Variants in RBFOX3 observed in about 807,000 individuals in gnomAD.
RBFOX3 encodes RNA binding fox-1 homolog 3.
In RBFOX3, 17 loss-of-function variants were observed where a neutral mutation model predicts 48.7. That is an observed-to-expected ratio of 0.35 (90% CI 0.24 to 0.52). The LOEUF is 0.52. Among genes scored for constraint, RBFOX3 ranks in the 20% least tolerant of loss-of-function variants. RBFOX3 has a pLI of 0.94. For missense variants in RBFOX3, 382 were observed against 497.5 expected, an observed-to-expected ratio of 0.77 and a Z score of 2.21; for synonymous variants, 212 against 209.5, an observed-to-expected ratio of 1.01 and a Z score of -0.10.
Position 79,214,448 on chromosome 17 carries a change from C to T in RBFOX3, c.-34+21318G>A, listed in dbSNP as rs1231015196. ...CTTCTTGAGAAAAGTGATGCAAAGC[C>T]CTTTGGATCAGTGTGACTGGGAGGA... On this transcript the variant is annotated intron_variant, in intron 4 of 14. Coordinates refer to ENST00000693108, the MANE Select transcript of RBFOX3 (RefSeq NM_001350451.2). This position sits in a 1 kb window ranked among gnomAD's most constrained non-coding sequence, Gnocchi z 4.7. 6.6e-6 allele frequency among the ~76,000 whole-genome samples: 1 copy of T among 152,030 alleles called. No individual in the cohort carries two copies. The highest frequency in any genetic ancestry group is 2.1e-4 in the South Asian group (1 of 4,808).
At chr17:79,134,476 A>G (rs1231664078) in intron 4 of RBFOX3, among the ~76,000 whole-genome samples, 1 of 152,238 alleles carries the variant, frequency 6.6e-6, no homozygotes, top group Non-Finnish European at 1.5e-5. Context: ...GTGGCTGCGC[A>G]CAGCAGGTGC....
chr17:79,161,103 T>C lies in RBFOX3; in HGVS notation c.-33-45355A>G, dbSNP rs1002800203. 3.3e-5 allele frequency among the ~76,000 whole-genome samples: 5 copies of C among 152,022 alleles called. No homozygotes were observed. The South Asian group carries it at 6.2e-4, about 19-fold the overall frequency. ...ACCAGGAATTTGGAGGTTAGAAACA[T>C]AGCCCCTCTGCAGATAATCTGTAGC... On this transcript the variant is annotated intron_variant, in intron 4 of 14. Coordinates refer to ENST00000693108, the MANE Select transcript of RBFOX3 (RefSeq NM_001350451.2).
intron 1 of RBFOX3, among the ~76,000 whole-genome samples, chr17:79,587,447 C>A (rs1045479069): frequency 1.3e-5 from 2 of 152,236 alleles, no homozygotes; most frequent in Non-Finnish European, 2.9e-5. Context: ...GGCTAGGGAC[C>A]CCAGCCCCTG....
In RBFOX3 at chr17:79,249,348, G is replaced by A. The variant is rs970936308; in HGVS notation, c.-73-13543C>T. Among the ~76,000 whole-genome samples the A allele has an allele frequency of 1.3e-4, 20 of 152,214 alleles. No homozygotes were observed. Among genetic ancestry groups the A allele is most frequent in the African/African-American group, 3.1e-4 (13 of 41,526 alleles). On this transcript the variant is annotated intron_variant, in intron 3 of 14. Coordinates refer to ENST00000693108, the MANE Select transcript of RBFOX3 (RefSeq NM_001350451.2). The surrounding 1 kb of genome is among the most constrained non-coding windows in gnomAD (Gnocchi z 4.1). ...CCCTCTGTTCCCTGTGTCTCGGCCC[G>A]CTCGGCTCCAATGCTGCTGCAGTCA...
chr17:79,407,686 T>C (rs1027582589), intron 2 of RBFOX3, among the ~76,000 whole-genome samples: 2 of 152,142 alleles, frequency 1.3e-5, no homozygotes, highest in African/African-American at 4.8e-5. Context: ...TGGGGAGGAC[T>C]TCTGCAGGAT....
chr17:79,387,285 T>C (rs1215169733), intron 2 of RBFOX3, among the ~76,000 whole-genome samples: 1 of 152,194 alleles, frequency 6.6e-6, no homozygotes, highest in Non-Finnish European at 1.5e-5. Flanking sequence ...TGTATCTGAG[T>C]GTGCTTTTCA....
At chr17:79,581,203 G>A (rs1226794528) in intron 1 of RBFOX3, among the ~76,000 whole-genome samples, 7 of 152,110 alleles carry the variant, frequency 4.6e-5, no homozygotes, top group Non-Finnish European at 7.4e-5. Flanking sequence ...AGCCGAGATC[G>A]TGCCACTGCA....
At chr17:79,371,272 G>A (rs1486581823) in intron 2 of RBFOX3, among the ~76,000 whole-genome samples, 5 of 152,236 alleles carry the variant, frequency 3.3e-5, no homozygotes, top group Non-Finnish European at 2.9e-5. Context: ...GTTCTGGTAC[G>A]TTCCACTGTG....
At position 79,479,902 on chromosome 17, in the gene RBFOX3, T is replaced by C. The variant is rs1179685432; in HGVS notation, c.-175+2552A>G. 6.6e-6 allele frequency among the ~76,000 whole-genome samples: 1 copy of C among 152,318 alleles called. No homozygotes were observed. Among genetic ancestry groups the C allele is most frequent in the East Asian group, 1.9e-4 (1 of 5,190 alleles). On this transcript the variant is annotated intron_variant, in intron 2 of 14. Coordinates refer to ENST00000693108, the MANE Select transcript of RBFOX3 (RefSeq NM_001350451.2). The surrounding 1 kb of genome is among the most constrained non-coding windows in gnomAD (Gnocchi z 5.1). The stretch of plus-strand genomic sequence containing the variant: ...AGAGCTGCACGCATCTTCTTGGAAC[T>C]AGGCGTCTGAGGTTCCAGAGACAGA...
At chr17:79,665,315 C>T in the RBFOX3 span, among the ~76,000 whole-genome samples, 1 of 151,044 alleles carries the variant, frequency 6.6e-6, no homozygotes, top group Non-Finnish European at 1.5e-5. Context: ...ACACATTCTA[C>T]ACAAACTTTT....
the RBFOX3 span, among the ~76,000 whole-genome samples, chr17:79,632,641 C>T: frequency 6.6e-6 from 1 of 151,750 alleles, no homozygotes; most frequent in Admixed American, 6.6e-5. Flanking sequence ...CAGTGGCTCA[C>T]ACCTGTAATC....
chr17:79,663,910 T>C, the RBFOX3 span, among the ~76,000 whole-genome samples: 2 of 151,936 alleles, frequency 1.3e-5, no homozygotes, highest in Admixed American at 1.3e-4. Context: ...TCGTGTTGAG[T>C]ATAAAGCTTG....
At chr17:79,312,750 T>C (rs563921903) in intron 2 of RBFOX3, among the ~76,000 whole-genome samples, 18 of 152,340 alleles carry the variant, frequency 1.2e-4, no homozygotes, top group African/African-American at 4.1e-4. Flanking sequence ...TAAGATTTTA[T>C]TGGCTTAATA....
intron 2 of RBFOX3, among the ~76,000 whole-genome samples, chr17:79,336,108 C>T (rs867633544): frequency 6.6e-6 from 1 of 152,118 alleles, no homozygotes; most frequent in African/African-American, 2.4e-5. Flanking sequence ...CTGTTCTGGC[C>T]GGGAGCAGTG....
At chr17:79,377,467 A>G (rs1380077833) in intron 2 of RBFOX3, among the ~76,000 whole-genome samples, 1 of 152,210 alleles carries the variant, frequency 6.6e-6, no homozygotes, top group African/African-American at 2.4e-5. Context: ...GCGCACGCAC[A>G]CACACACACC....
At chr17:79,511,973 G>A (rs373091407) in intron 1 of RBFOX3, among the ~76,000 whole-genome samples, 32,088 of 136,948 alleles carry the variant, frequency 0.23, 2,877 homozygotes, top group Non-Finnish European at 0.26. Flanking sequence ...ACACCCACCC[G>A]GATACATGTT....
At chr17:79,567,979 A>G (rs1267482955) in intron 1 of RBFOX3, among the ~76,000 whole-genome samples, 1 of 152,246 alleles carries the variant, frequency 6.6e-6, no homozygotes, top group African/African-American at 2.4e-5. Flanking sequence ...TCAATGATGT[A>G]AAGTCTCCTG....
At chr17:79,201,036 CCTT>C (rs1423130833) in intron 4 of RBFOX3, among the ~76,000 whole-genome samples, 2 of 152,026 alleles carry the variant, frequency 1.3e-5, no homozygotes, top group Non-Finnish European at 2.9e-5. Context: ...CCCCACGACT[CCTT>C]CTCTCCTCTC....
At chr17:79,645,743 G>C in the RBFOX3 span, among the ~76,000 whole-genome samples, 1 of 152,192 alleles carries the variant, frequency 6.6e-6, no homozygotes, top group East Asian at 1.9e-4. Flanking sequence ...AGGGCTGCCT[G>C]GCCAGGGCAG....
Sources: allele counts gnomAD v4.1 joint callset (sites outside exome capture counted in the v4.1 genomes callset), GRCh38; gene constraint gnomAD v4.1.1; non-coding constraint Gnocchi (gnomAD v3.1); transcripts MANE v1.5; gene names NCBI Gene and HGNC (gene_info 2026-07-23, HGNC 2026-07-21).